The following CPLX1 variants were observed in gnomAD, a reference collection of about 807,000 sequenced individuals.
CPLX1 encodes the protein complexin-1.
A neutral mutation model predicts 15.6 loss-of-function variants in CPLX1; 6 were observed. That is an observed-to-expected ratio of 0.39 (90% CI 0.21 to 0.76). CPLX1 has a LOEUF of 0.76. Among genes scored for constraint, CPLX1 ranks in the 30% least tolerant of loss-of-function variants. CPLX1 has a pLI of 0.43. For missense variants in CPLX1, 242 were observed against 188.6 expected (o/e 1.28, Z -1.66); for synonymous variants, 91 against 75.2 (o/e 1.21, Z -1.08).
chr4:788,172 C>T (rs1746059003), intron 3 of CPLX1: 1 of 985,126 alleles, frequency 1.0e-6, no homozygotes, highest in Admixed American at 6.1e-5. Context: ...AGCAGCCCCT[C>T]CCCATAGAAG....
chr4:788,010 G>C (rs919586674), intron 3 of CPLX1: 2 of 985,290 alleles, frequency 2.0e-6, no homozygotes, highest in African/African-American at 3.5e-5. Context: ...AGTAGTGAAG[G>C]CGTCAGCAGC....
intron 2 of CPLX1, among the ~76,000 whole-genome samples, chr4:819,659 C>T (rs1746823909): frequency 7.2e-6 from 1 of 138,028 alleles, no homozygotes; most frequent in Non-Finnish European, 1.6e-5. Flanking sequence ...TGTGGGACGC[C>T]TGCCCAACAC....
intron 2 of CPLX1, among the ~76,000 whole-genome samples, chr4:820,611 T>C (rs2152648559): frequency 6.6e-6 from 1 of 152,164 alleles, no homozygotes; most frequent in South Asian, 2.1e-4. Flanking sequence ...GCCCCCTCCA[T>C]CCCCGTGGAG....
chr4:806,247 T>C (rs543132857), intron 2 of CPLX1, among the ~76,000 whole-genome samples: 2 of 152,206 alleles, frequency 1.3e-5, no homozygotes, highest in Admixed American at 1.3e-4. Context: ...GAAATAAGCC[T>C]GCACACCTAC....
rs528745578 is a variant in CPLX1 at position 786,317 on chromosome 4, G to C, written c.*184C>G. 4 of 502,232 alleles carry C rather than the reference G, an allele frequency of 8.0e-6. No homozygotes were observed. Among genetic ancestry groups the C allele is most frequent in the South Asian group, 6.6e-5 (2 of 30,246 alleles). The allele number at this position is 502,232 out of a possible 1,614,324, so 31.1% of individuals were successfully genotyped here. A position where few individuals can be genotyped will look rare whatever the true frequency, so the allele number is the denominator to read the frequency against. On this transcript the variant is annotated 3_prime_UTR_variant, in exon 4 of 4. Coordinates refer to ENST00000304062, the MANE Select transcript of CPLX1 (RefSeq NM_006651.4). ...CGGGCAGAGGAGCACGGGGCGGACT[G>C]GGGGGGTCCTGGGGGCGCGCGCCCC...
At chr4:800,825 A>ATGTG (rs112615162) in intron 2 of CPLX1, among the ~76,000 whole-genome samples, 2 of 146,936 alleles carry the variant, frequency 1.4e-5, no homozygotes, top group Admixed American at 6.9e-5. Context: ...ATATAAATAT[A>ATGTG]TGTGTGTGTG....
chr4:809,371 G>A (rs1746618758), intron 2 of CPLX1, among the ~76,000 whole-genome samples: 1 of 152,232 alleles, frequency 6.6e-6, no homozygotes, highest in African/African-American at 2.4e-5. Flanking sequence ...TGGCTGCCAA[G>A]CCTCTGCCCT....
chr4:820,155 CGG>C (rs1746834377), intron 2 of CPLX1, among the ~76,000 whole-genome samples: 1 of 151,742 alleles, frequency 6.6e-6, no homozygotes, highest in East Asian at 1.9e-4. Flanking sequence ...ACCGTCCTCC[CGG>C]ACCCAGCTCA....
At chr4:802,468 A>C (rs1307914363) in intron 2 of CPLX1, among the ~76,000 whole-genome samples, 2 of 152,210 alleles carry the variant, frequency 1.3e-5, no homozygotes, top group Admixed American at 6.5e-5. Context: ...CACCACTATC[A>C]AATTGATCAG....
chr4:817,468 G>A (rs187936982), intron 2 of CPLX1, among the ~76,000 whole-genome samples: 68 of 151,758 alleles, frequency 4.5e-4, no homozygotes, highest in African/African-American at 1.6e-3. Flanking sequence ...TGAGGCAGGA[G>A]AATCGCTTGA....
At chr4:793,203 G>C (rs1475928642) in intron 2 of CPLX1, among the ~76,000 whole-genome samples, 4 of 152,226 alleles carry the variant, frequency 2.6e-5, no homozygotes, top group Non-Finnish European at 4.4e-5. Context: ...TATGCAGGCA[G>C]TGGGTTGAGG....
At chr4:787,328 A>G in intron 3 of CPLX1, 1 of 984,922 alleles carries the variant, frequency 1.0e-6, no homozygotes, top group South Asian at 4.7e-5. Context: ...GGCCTCACCG[A>G]CCCCCTGCCC....
At chr4:806,792 C>T (rs1192435202) in intron 2 of CPLX1, among the ~76,000 whole-genome samples, 1 of 152,146 alleles carries the variant, frequency 6.6e-6, no homozygotes, top group Non-Finnish European at 1.5e-5. Flanking sequence ...TCATACCAGT[C>T]AGTATGGTGA....
intron 3 of CPLX1, chr4:788,397 G>A (rs904132620): frequency 1.3e-5 from 13 of 985,346 alleles, no homozygotes; most frequent in East Asian, 1.1e-4. Context: ...GTTCCCAGCC[G>A]CCTGTGGCCA....
At chr4:794,663 T>A (rs1297730091) in intron 2 of CPLX1, among the ~76,000 whole-genome samples, 3 of 152,120 alleles carry the variant, frequency 2.0e-5, no homozygotes, top group Non-Finnish European at 4.4e-5. Context: ...TTAACCCCCA[T>A]GAGAAAAGCT....
rs530956644 is a variant in CPLX1 at position 794,251 on chromosome 4, C to G, written c.32-1643G>C. On this transcript the variant is annotated intron_variant, in intron 2 of 3. Coordinates refer to ENST00000304062, the MANE Select transcript of CPLX1 (RefSeq NM_006651.4). ...GGGCCATGCCTGCATCCTGCAGGCG[C>G]CGCCGACTGCACCTGTTTCCCTGCC... is the stretch of plus-strand genomic sequence containing the variant. 8.5e-5 allele frequency among the ~76,000 whole-genome samples: 13 copies of G among 152,344 alleles called. No homozygotes were observed. The South Asian group carries it at 2.7e-3, about 32-fold the overall frequency.
chr4:799,857 C>T (rs1035591580), intron 2 of CPLX1, among the ~76,000 whole-genome samples: 1 of 152,034 alleles, frequency 6.6e-6, no homozygotes, highest in Non-Finnish European at 1.5e-5. Context: ...AGGCAGGCTC[C>T]GTCTCAAAAA....
intron 1 of CPLX1, 65 bp from the exon 2 acceptor site, chr4:824,666 CCAT>C (rs1318380234): frequency 1.2e-6 from 1 of 867,972 alleles, no homozygotes; most frequent in Non-Finnish European, 1.9e-6. Context: ...TCCCCAGAGA[CCAT>C]CATTCCTTAC....
chr4:790,173 G>T (rs899179852), intron 3 of CPLX1, among the ~76,000 whole-genome samples: 1 of 152,218 alleles, frequency 6.6e-6, no homozygotes, highest in African/African-American at 2.4e-5. Flanking sequence ...GGTCCGGGGG[G>T]ATCCACTTTG....
Sources: allele counts gnomAD v4.1 joint callset (sites outside exome capture counted in the v4.1 genomes callset), GRCh38; gene constraint gnomAD v4.1.1; transcripts MANE v1.5; gene names NCBI Gene and HGNC (gene_info 2026-07-23, HGNC 2026-07-21).